SGCD: variants seen among roughly 807,000 people sequenced by gnomAD.
The protein encoded by SGCD is delta-sarcoglycan.
SGCD carries 18 observed loss-of-function variants against 36.6 expected under a neutral mutation model. The observed-to-expected ratio is 0.49, with a 90% CI of 0.34 to 0.73. The LOEUF is 0.73. SGCD is among the 30% of genes least tolerant of loss of function. SGCD has a pLI of 0.01. For synonymous variants in SGCD, 133 were observed against 130.6 expected (o/e 1.02, Z -0.12); for missense variants, 387 against 346.7 (o/e 1.12, Z -0.92).
At chr5:156,478,654 C>T (rs553677129) in intron 3 of SGCD, among the ~76,000 whole-genome samples, 1 of 152,304 alleles carries the variant, frequency 6.6e-6, no homozygotes, top group East Asian at 1.9e-4. Flanking sequence ...AATCTCAGCT[C>T]ACTGCAACCT....
At chr5:156,215,163 GA>G (rs906074160) in intron 3 of SGCD, among the ~76,000 whole-genome samples, 3 of 152,014 alleles carry the variant, frequency 2.0e-5, no homozygotes, top group East Asian at 1.9e-4. Flanking sequence ...ATTTCCAAAT[GA>G]AAAAAATGAT....
chr5:156,348,260 A>G (rs1445067798), intron 3 of SGCD, among the ~76,000 whole-genome samples: 1 of 152,132 alleles, frequency 6.6e-6, no homozygotes, highest in Admixed American at 6.5e-5. Flanking sequence ...AGCCAGAGCA[A>G]TCAAGAAAGA....
intron 3 of SGCD, among the ~76,000 whole-genome samples, chr5:156,438,927 G>A (rs954945401): frequency 2.0e-5 from 3 of 152,106 alleles, no homozygotes; most frequent in Admixed American, 6.6e-5. Flanking sequence ...ACAAACCTGA[G>A]AGAGTTACTG....
At chr5:156,459,833 ATTTCTT>A (rs1417239128) in intron 3 of SGCD, among the ~76,000 whole-genome samples, 1 of 152,090 alleles carries the variant, frequency 6.6e-6, no homozygotes, top group African/African-American at 2.4e-5. Flanking sequence ...ATTAGCTAGG[ATTTCTT>A]TTTTATGTTC....
intron 1 of SGCD, among the ~76,000 whole-genome samples, chr5:156,057,998 A>C (rs568986475): frequency 6.8e-6 from 1 of 146,412 alleles, no homozygotes; most frequent in East Asian, 1.9e-4. Flanking sequence ...AGACATCTTC[A>C]GGCAGTAAAT....
chr5:156,420,947 T>A (rs1476080010), intron 3 of SGCD, among the ~76,000 whole-genome samples: 1 of 152,094 alleles, frequency 6.6e-6, no homozygotes, highest in Non-Finnish European at 1.5e-5. Context: ...AGACTGGGGC[T>A]TTCAATTCAG....
the SGCD span, among the ~76,000 whole-genome samples, chr5:155,825,468 A>G: frequency 1.3e-5 from 2 of 152,178 alleles, no homozygotes; most frequent in African/African-American, 4.8e-5. Flanking sequence ...TGATTGTGAA[A>G]CAAATGCTTG....
At chr5:156,175,245 A>G (rs1763437111) in intron 3 of SGCD, among the ~76,000 whole-genome samples, 1 of 152,128 alleles carries the variant, frequency 6.6e-6, no homozygotes. Context: ...ATAATTTTGA[A>G]TTTTCCTAAT....
chr5:156,243,974 C>T (rs572767538), intron 3 of SGCD, among the ~76,000 whole-genome samples: 7 of 152,152 alleles, frequency 4.6e-5, no homozygotes, highest in Non-Finnish European at 7.3e-5. Flanking sequence ...CCTTATTTCA[C>T]GGTACCTCTC....
chr5:156,408,069 T>A (rs1256772897), intron 3 of SGCD, among the ~76,000 whole-genome samples: 1 of 152,258 alleles, frequency 6.6e-6, no homozygotes, highest in Non-Finnish European at 1.5e-5. Context: ...GATATTTACA[T>A]TCTCATCTTA....
chr5:156,516,838 A>C (rs1757197579), intron 4 of SGCD, among the ~76,000 whole-genome samples: 1 of 152,178 alleles, frequency 6.6e-6, no homozygotes, highest in African/African-American at 2.4e-5. Context: ...CTCTACTAAA[A>C]GTACAAAAAT....
intron 6 of SGCD, among the ~76,000 whole-genome samples, chr5:156,596,546 A>T (rs1444846825): frequency 6.6e-6 from 1 of 152,150 alleles, no homozygotes; most frequent in Admixed American, 6.6e-5. Context: ...CGTTTACCTG[A>T]AATTATATTT....
the SGCD span, among the ~76,000 whole-genome samples, chr5:155,817,717 C>G: frequency 1.7e-4 from 26 of 152,066 alleles, no homozygotes; most frequent in South Asian, 5.2e-3. Flanking sequence ...TTTGTCCTTC[C>G]CCTGTGAAGT....
At chr5:156,372,219 A>G (rs902904247) in intron 3 of SGCD, among the ~76,000 whole-genome samples, 36 of 152,224 alleles carry the variant, frequency 2.4e-4, no homozygotes, top group African/African-American at 8.0e-4. Flanking sequence ...GGCAAGAGGC[A>G]GGAAACATAT....
chr5:156,144,394 A>C (rs563934503), intron 3 of SGCD, among the ~76,000 whole-genome samples: 2,096 of 152,148 alleles, frequency 0.014, 43 homozygotes, highest in African/African-American at 0.048. Flanking sequence ...TCCTCTCCAG[A>C]ACCTGTTGTT....
intron 3 of SGCD, among the ~76,000 whole-genome samples, chr5:156,477,020 C>T (rs994399114): frequency 2.9e-5 from 4 of 138,574 alleles, no homozygotes; most frequent in South Asian, 2.3e-4. Flanking sequence ...TTAGACAGAG[C>T]GTTAATTCAG....
At chr5:155,931,515 G>C (rs761773270) in intron 1 of SGCD, among the ~76,000 whole-genome samples, 1 of 152,080 alleles carries the variant, frequency 6.6e-6, no homozygotes, top group African/African-American at 2.4e-5. Context: ...TCTCTATAAG[G>C]ATTCAAAATT....
chr5:155,947,348 G>T (rs1279168706), intron 1 of SGCD, among the ~76,000 whole-genome samples: 20 of 129,778 alleles, frequency 1.5e-4, no homozygotes, highest in Middle Eastern at 4.2e-3. Context: ...TAATGTTTTG[G>T]TTTTTTTTTT....
At chr5:155,859,140 C>T in the SGCD span, among the ~76,000 whole-genome samples, 1 of 151,898 alleles carries the variant, frequency 6.6e-6, no homozygotes, top group Admixed American at 6.6e-5. Flanking sequence ...TGGCTCACTG[C>T]AGCCGTAACC....
Sources: allele counts gnomAD v4.1 joint callset (sites outside exome capture counted in the v4.1 genomes callset), GRCh38; gene constraint gnomAD v4.1.1; transcripts MANE v1.5; gene names NCBI Gene and HGNC (gene_info 2026-07-23, HGNC 2026-07-21).